The following DLGAP2 variants were observed in gnomAD, a reference collection of about 807,000 sequenced individuals.
DLGAP2 encodes the protein DLG associated protein 2, also known as disks large-associated protein 2.
DLGAP2 carries 26 observed loss-of-function variants against 100.3 expected under a neutral mutation model. The ratio of observed to expected loss-of-function variants is 0.26; its 90% CI spans 0.19 to 0.36. The LOEUF (loss-of-function observed/expected upper bound fraction) is 0.36. Among genes scored for constraint, DLGAP2 ranks in the 10% least tolerant of loss-of-function variants. DLGAP2 has a pLI of 1.00. For missense variants in DLGAP2, 1,858 were observed against 1,453.2 expected, an observed-to-expected ratio of 1.28 and a Z score of -4.53; for synonymous variants, 886 against 630.1, an observed-to-expected ratio of 1.41 and a Z score of -6.08.
At chr8:1,598,509 T>TG (rs1215422344) in intron 6 of DLGAP2, among the ~76,000 whole-genome samples, 2 of 152,210 alleles carry the variant, frequency 1.3e-5, no homozygotes, top group African/African-American at 4.8e-5. Flanking sequence ...TTTTTTTTGT[T>TG]GGTAGGCTAT....
chr8:934,376 C>T (rs531415103), intron 2 of DLGAP2, among the ~76,000 whole-genome samples: 24 of 152,262 alleles, frequency 1.6e-4, no homozygotes, highest in Admixed American at 3.9e-4. Flanking sequence ...AGGGCAGAGA[C>T]TGCTGTGGAG....
At chr8:1,229,884 C>T (rs768544439) in intron 2 of DLGAP2, among the ~76,000 whole-genome samples, 4 of 152,100 alleles carry the variant, frequency 2.6e-5, no homozygotes, top group African/African-American at 4.8e-5. Context: ...ATAATAAGTG[C>T]CACCTATGAC....
intron 1 of DLGAP2, among the ~76,000 whole-genome samples, chr8:837,573 G>A (rs953513577): frequency 9.2e-5 from 14 of 151,956 alleles, no homozygotes; most frequent in African/African-American, 3.4e-4. Flanking sequence ...ACCTAAGGCC[G>A]TGCTCAGGCC....
intron 3 of DLGAP2, among the ~76,000 whole-genome samples, chr8:1,390,453 G>A (rs1796322908): frequency 6.6e-6 from 1 of 152,160 alleles, no homozygotes; most frequent in African/African-American, 2.4e-5. Context: ...CAGAACATCA[G>A]GGTTAGTTCC....
chr8:1,556,317 G>A (rs1209952952), intron 5 of DLGAP2, among the ~76,000 whole-genome samples: 1 of 152,174 alleles, frequency 6.6e-6, no homozygotes, highest in Non-Finnish European at 1.5e-5. Context: ...TGTGCAGGTG[G>A]GCGGAGTCCT....
At chr8:1,497,803 A>C (rs1799593698) in intron 3 of DLGAP2, among the ~76,000 whole-genome samples, 1 of 152,180 alleles carries the variant, frequency 6.6e-6, no homozygotes, top group Non-Finnish European at 1.5e-5. Flanking sequence ...AGATGCCTGA[A>C]ACCTCAGCCA....
chr8:1,234,123 G>C (rs1265866523), intron 2 of DLGAP2, among the ~76,000 whole-genome samples: 1 of 152,190 alleles, frequency 6.6e-6, no homozygotes, highest in Non-Finnish European at 1.5e-5. Flanking sequence ...GCTATAAAGA[G>C]GAATTAAGTT....
chr8:1,271,879 A>G (rs570703230), intron 3 of DLGAP2, among the ~76,000 whole-genome samples: 49 of 152,286 alleles, frequency 3.2e-4, no homozygotes, highest in African/African-American at 1.2e-3. Context: ...CAGTGGTGCA[A>G]CCTCAGCTCA....
At chr8:837,902 T>C (rs1385046323) in intron 1 of DLGAP2, among the ~76,000 whole-genome samples, 2 of 148,340 alleles carry the variant, frequency 1.3e-5, no homozygotes, top group Admixed American at 1.3e-4. Flanking sequence ...TGTTTTTTTT[T>C]TTTTCTTTTT....
chr8:969,187 G>T (rs1292557229), intron 2 of DLGAP2, among the ~76,000 whole-genome samples: 1 of 152,166 alleles, frequency 6.6e-6, no homozygotes, highest in Non-Finnish European at 1.5e-5. Context: ...TAGAATGAAG[G>T]ACACCTTCCA....
At chr8:749,628 G>C (rs1460038818) in intron 1 of DLGAP2, among the ~76,000 whole-genome samples, 1 of 151,942 alleles carries the variant, frequency 6.6e-6, no homozygotes, top group African/African-American at 2.4e-5. Flanking sequence ...CATTGTTCTG[G>C]GGTTAATGTA....
intron 3 of DLGAP2, among the ~76,000 whole-genome samples, chr8:1,409,941 A>G (rs1173064752): frequency 6.6e-6 from 1 of 152,148 alleles, no homozygotes; most frequent in Non-Finnish European, 1.5e-5. Context: ...CCATAATCAT[A>G]TGATCCAGTT....
intron 3 of DLGAP2, among the ~76,000 whole-genome samples, chr8:1,420,119 G>A (rs1797047233): frequency 6.6e-6 from 1 of 152,158 alleles, no homozygotes; most frequent in African/African-American, 2.4e-5. Flanking sequence ...GAGGTCTGGG[G>A]TCGGGAGGGG....
At chr8:1,652,785 A>G (rs1292138304) in intron 8 of DLGAP2, among the ~76,000 whole-genome samples, 6 of 152,142 alleles carry the variant, frequency 3.9e-5, no homozygotes, top group African/African-American at 1.5e-4. Flanking sequence ...CATGCGAGAC[A>G]GACAGTAATG....
intron 3 of DLGAP2, among the ~76,000 whole-genome samples, chr8:1,382,847 T>C (rs1293325436): frequency 6.6e-6 from 1 of 152,206 alleles, no homozygotes. Context: ...GAATAAACTT[T>C]AGTATATCCC....
chr8:982,864 T>C (rs919983641), intron 2 of DLGAP2, among the ~76,000 whole-genome samples: 1 of 149,998 alleles, frequency 6.7e-6, no homozygotes, highest in Non-Finnish European at 1.5e-5. Context: ...TAATACACTC[T>C]AGGAATTTTA....
chr8:1,676,430 C>T, intron 10 of DLGAP2, 103 bp from the exon 11 acceptor site: 1 of 1,263,736 alleles, frequency 7.9e-7, no homozygotes, highest in Non-Finnish European at 1.1e-6. Context: ...ATTAATTAAA[C>T]AAATGCGTAA....
intron 1 of DLGAP2, among the ~76,000 whole-genome samples, chr8:898,205 C>T (rs1054849070): frequency 2.0e-5 from 3 of 152,158 alleles, no homozygotes; most frequent in Non-Finnish European, 4.4e-5. Context: ...GGCAGAAGTG[C>T]TCCCCATGGT....
chr8:1,344,559 G>C (rs879496837), intron 3 of DLGAP2, among the ~76,000 whole-genome samples: 1 of 152,190 alleles, frequency 6.6e-6, no homozygotes, highest in Non-Finnish European at 1.5e-5. Flanking sequence ...ATGTCACAGA[G>C]ATTCTATGGA....
Sources: gnomAD v4.1 joint callset for allele counts (sites outside exome capture counted in the v4.1 genomes callset) on GRCh38, gnomAD v4.1.1 for gene constraint, MANE v1.5 for transcripts, NCBI Gene and HGNC (gene_info 2026-07-23, HGNC 2026-07-21) for gene names.